The following LRRC8C variants were observed in gnomAD, a reference collection of about 807,000 sequenced individuals.
LRRC8C encodes leucine rich repeat containing 8 VRAC subunit C.
A neutral mutation model predicts 55.3 loss-of-function variants in LRRC8C; 20 were observed. The observed-to-expected ratio is 0.36, with a 90% CI of 0.25 to 0.53. The LOEUF is 0.53. LRRC8C is among the 20% of genes least tolerant of loss of function. The pLI is 0.92. For synonymous variants in LRRC8C, 376 were observed against 360.7 expected (o/e 1.04, Z -0.48); for missense variants, 659 against 951.4 (o/e 0.69, Z 4.04).
At chr1:89,649,267 T>C (rs1656695710) in intron 1 of LRRC8C, among the ~76,000 whole-genome samples, 1 of 152,220 alleles carries the variant, frequency 6.6e-6, no homozygotes, top group South Asian at 2.1e-4. Flanking sequence ...TACTGGAATA[T>C]CAATTGAACT....
At chr1:89,623,375 T>A in the LRRC8C span, among the ~76,000 whole-genome samples, 4 of 152,236 alleles carry the variant, frequency 2.6e-5, no homozygotes, top group African/African-American at 9.6e-5. Context: ...ACATCACTTC[T>A]AATAGCTCTC....
chr1:89,627,813 T>C, the LRRC8C span, among the ~76,000 whole-genome samples: 2 of 152,218 alleles, frequency 1.3e-5, no homozygotes, highest in African/African-American at 4.8e-5. Context: ...TGGATAGCTA[T>C]GGTGAATAAA....
chr1:89,693,712 C>A (rs939756485), intron 2 of LRRC8C, among the ~76,000 whole-genome samples: 2 of 120,970 alleles, frequency 1.7e-5, no homozygotes, highest in Non-Finnish European at 3.2e-5. Flanking sequence ...GGCTGGAGTG[C>A]AGAGGCGCGG....
intron 2 of LRRC8C, among the ~76,000 whole-genome samples, chr1:89,690,772 C>T (rs1403078696): frequency 1.3e-5 from 2 of 152,048 alleles, no homozygotes; most frequent in South Asian, 2.1e-4. Flanking sequence ...TCTCTACAGT[C>T]CAGAAGGCTT....
At chr1:89,666,096 C>G (rs928252553) in intron 1 of LRRC8C, among the ~76,000 whole-genome samples, 2 of 152,080 alleles carry the variant, frequency 1.3e-5, no homozygotes, top group African/African-American at 4.8e-5. Context: ...GACAAAATTG[C>G]CTAATGATGC....
rs1227291625 is a variant in LRRC8C, at chr1:89,713,532, T to C, written c.962T>C (p.Phe321Ser). The C allele has an allele frequency of 6.2e-7, 1 of 1,614,182 alleles. No individual in the cohort carries two copies. The highest frequency in any genetic ancestry group is 1.1e-5 in the South Asian group (1 of 91,082). The part of the protein sequence containing the change: ...TMAHLFSKLS[F>S]CYLCFVSIYG... ...GCACACTTGTTCTCAAAACTGTCCT[T>C]TTGCTATCTGTGCTTTGTTAGTATC... Residue 321 changes from phenylalanine (F) to serine (S), a missense_variant, in exon 3 of 3, where the codon TTT becomes TCT. This residue lies in a region of LRRC8C where 200 missense variants were observed against 360.5 expected (regional missense o/e 0.55). Coordinates refer to ENST00000370454, the MANE Select transcript of LRRC8C (RefSeq NM_032270.5). This position sits in a 1 kb window ranked among gnomAD's most constrained non-coding sequence, Gnocchi z 5.2.
At chr1:89,622,795 CT>C in the LRRC8C span, among the ~76,000 whole-genome samples, 2 of 152,112 alleles carry the variant, frequency 1.3e-5, no homozygotes, top group Non-Finnish European at 2.9e-5. Context: ...TAAATCAATA[CT>C]GTTATACTTT....
intron 1 of LRRC8C, among the ~76,000 whole-genome samples, chr1:89,680,013 T>C (rs1406411860): frequency 2.0e-5 from 3 of 152,114 alleles, no homozygotes; most frequent in Non-Finnish European, 4.4e-5. Flanking sequence ...TGGGAACATA[T>C]TATTTTAGGA....
At chr1:89,636,541 T>G (rs1656287438) in intron 1 of LRRC8C, among the ~76,000 whole-genome samples, 1 of 152,202 alleles carries the variant, frequency 6.6e-6, no homozygotes, top group East Asian at 1.9e-4. Flanking sequence ...AAACATACTT[T>G]CCTTTTTTCT....
intron 1 of LRRC8C, among the ~76,000 whole-genome samples, chr1:89,672,134 C>T (rs190041941): frequency 3.3e-5 from 5 of 152,312 alleles, no homozygotes; most frequent in Non-Finnish European, 7.3e-5. Context: ...AAAGCCATTA[C>T]GTTGCAGACC....
At chr1:89,682,228 C>A (rs1476514517) in intron 1 of LRRC8C, among the ~76,000 whole-genome samples, 1 of 152,188 alleles carries the variant, frequency 6.6e-6, no homozygotes, top group East Asian at 1.9e-4. Context: ...CTAAACTTTG[C>A]CATCTTGACC....
rs1658867865 is a variant in LRRC8C, at chr1:89,717,765, G to A, written c.*2783G>A. 1 of 152,136 alleles carries A rather than the reference G, an allele frequency of 6.6e-6. No individual in the cohort carries two copies. Among genetic ancestry groups the A allele is most frequent in the African/African-American group, 2.4e-5 (1 of 41,446 alleles). The allele number at this position is 152,136 out of a possible 1,614,324, so 9.4% of individuals were successfully genotyped here. A position where few individuals can be genotyped will look rare whatever the true frequency, so the allele number is the denominator to read the frequency against. On this transcript the variant is annotated 3_prime_UTR_variant, in exon 3 of 3. Coordinates refer to ENST00000370454, the MANE Select transcript of LRRC8C (RefSeq NM_032270.5). ...TAAAGTTCTTTAACTGATCAATTCT[G>A]TATAGAGGGATATTTATCTAACCAC...
chr1:89,712,131 A>C (rs907675147), intron 2 of LRRC8C, among the ~76,000 whole-genome samples: 4 of 151,672 alleles, frequency 2.6e-5, no homozygotes, highest in Admixed American at 6.6e-5. Flanking sequence ...TTTTTTTTTG[A>C]GACAAAATTT....
Position 89,713,382 on chromosome 1 carries a change from T to C in LRRC8C, c.812T>C (p.Ile271Thr), listed in dbSNP as rs370283663. Residue 271 changes from isoleucine (I) to threonine (T), a missense_variant, in exon 3 of 3, where the codon ATC becomes ACC. Ile to Thr is a moderately conservative substitution (Grantham distance 89). This residue lies in a region of LRRC8C where 200 missense variants were observed against 360.5 expected (regional missense o/e 0.55). Transcript: ENST00000370454. The surrounding 1 kb of genome is among the most constrained non-coding windows in gnomAD (Gnocchi z 5.2). ...GTTCGCCAGACTGTACTTAAAGTTA[T>C]CAAATTCCTAATCATCATTGCATAT... ...MYVRQTVLKVIKFLIIIAYNS... is the reference protein window; with the variant it reads ...MYVRQTVLKVTKFLIIIAYNS... The C allele has an allele frequency of 4.3e-6, 7 of 1,614,084 alleles. No individual in the cohort carries two copies. Among genetic ancestry groups the C allele is most frequent in the South Asian group, 1.1e-5 (1 of 91,086 alleles).
At chr1:89,709,361 G>A (rs1658579767) in intron 2 of LRRC8C, among the ~76,000 whole-genome samples, 1 of 152,206 alleles carries the variant, frequency 6.6e-6, no homozygotes, top group East Asian at 1.9e-4. Flanking sequence ...CTCCAGCATG[G>A]CAGATTCCAG....
intron 1 of LRRC8C, among the ~76,000 whole-genome samples, chr1:89,635,233 A>G (rs1656244591): frequency 6.6e-6 from 1 of 152,206 alleles, no homozygotes; most frequent in Non-Finnish European, 1.5e-5. Context: ...TTTTTACCAA[A>G]TTGTTATGAT....
intron 2 of LRRC8C, among the ~76,000 whole-genome samples, chr1:89,696,596 A>T (rs1658182001): frequency 6.6e-6 from 1 of 152,164 alleles, no homozygotes; most frequent in African/African-American, 2.4e-5. Flanking sequence ...GGCTACCATC[A>T]ACTTCCCAGA....
chr1:89,680,029 C>T (rs1657653554), intron 1 of LRRC8C, among the ~76,000 whole-genome samples: 1 of 151,084 alleles, frequency 6.6e-6, no homozygotes, highest in African/African-American at 2.4e-5. Context: ...TAGGAAGAGC[C>T]ATATAAATAA....
At position 89,715,064 on chromosome 1, in the gene LRRC8C, AT is replaced by A. The variant is rs112476053; in HGVS notation, c.*91del. ...ATTAGGTAGTCTTAATGCCTTTCCT[AT>A]TTTTTTTTCCTTTTCACACAAAATG... On this transcript the variant is annotated 3_prime_UTR_variant, in exon 3 of 3. Transcript: ENST00000370454. The A allele has an allele frequency of 1.8e-3, 1,570 of 888,120 alleles. 11 individuals are homozygous for A. In the African/African-American group the frequency reaches 0.018, roughly 10 times the overall value. The allele number at this position is 888,120 out of a possible 1,614,324, so 55.0% of individuals were successfully genotyped here.
Sources: allele counts gnomAD v4.1 joint callset (sites outside exome capture counted in the v4.1 genomes callset), GRCh38; gene constraint gnomAD v4.1.1; regional missense constraint gnomAD v4.1.1; non-coding constraint Gnocchi (gnomAD v3.1); transcripts MANE v1.5; gene names NCBI Gene and HGNC (gene_info 2026-07-23, HGNC 2026-07-21).